The following DOCK2 variants were observed in gnomAD, a reference collection of about 807,000 sequenced individuals.
DOCK2 encodes the protein dedicator of cytokinesis protein 2.
DOCK2 carries 87 observed loss-of-function variants against 248.9 expected under a neutral mutation model. That is an observed-to-expected ratio of 0.35 (90% confidence interval 0.29 to 0.42). The LOEUF is 0.42. Among genes scored for constraint, DOCK2 ranks in the 10% least tolerant of loss-of-function variants. The pLI, the probability that DOCK2 is intolerant of heterozygous loss-of-function variation, is 1.00. For synonymous variants in DOCK2, 805 were observed against 821.6 expected (o/e 0.98, Z 0.35); for missense variants, 1,747 against 2,300.2 (o/e 0.76, Z 4.92).
intron 26 of DOCK2, among the ~76,000 whole-genome samples, chr5:169,838,562 G>A (rs1769736586): frequency 6.6e-6 from 1 of 152,186 alleles, no homozygotes. Flanking sequence ...AAAGGAGAAG[G>A]AAATCAGGAG....
At chr5:169,972,609 T>C (rs1331188096) in intron 27 of DOCK2, among the ~76,000 whole-genome samples, 1 of 141,766 alleles carries the variant, frequency 7.1e-6, no homozygotes, top group Non-Finnish European at 1.6e-5. Flanking sequence ...GATAGATAGA[T>C]AGATAGATAG....
chr5:169,933,621 C>T (rs558197377), intron 27 of DOCK2, among the ~76,000 whole-genome samples: 6 of 152,296 alleles, frequency 3.9e-5, no homozygotes, highest in African/African-American at 1.4e-4. Context: ...TTCCTTCGTT[C>T]GGCCTCCTTC....
At chr5:169,956,051 A>G (rs79712839) in intron 27 of DOCK2, among the ~76,000 whole-genome samples, 1 of 152,134 alleles carries the variant, frequency 6.6e-6, no homozygotes, top group East Asian at 1.9e-4. Context: ...AAAAAAAAAA[A>G]AAGAGCCCAG....
At chr5:169,938,558 A>G (rs1389174641) in intron 27 of DOCK2, among the ~76,000 whole-genome samples, 1 of 152,242 alleles carries the variant, frequency 6.6e-6, no homozygotes, top group Non-Finnish European at 1.5e-5. Flanking sequence ...ATGAAATAAA[A>G]AATGGTCCAC....
At chr5:169,895,255 C>T (rs988370981) in intron 27 of DOCK2, among the ~76,000 whole-genome samples, 1 of 152,138 alleles carries the variant, frequency 6.6e-6, no homozygotes, top group Non-Finnish European at 1.5e-5. Context: ...TAAATGTCCC[C>T]CTTCCTTCTT....
chr5:169,905,087 C>T (rs973199193), intron 27 of DOCK2, among the ~76,000 whole-genome samples: 1 of 152,182 alleles, frequency 6.6e-6, no homozygotes, highest in Non-Finnish European at 1.5e-5. Flanking sequence ...GTGCAGAGTG[C>T]TCAGTAAATA....
Position 169,670,570 on chromosome 5 carries a change from T to C in DOCK2, c.197T>C (p.Ile66Thr), listed in dbSNP as rs893044391. The C allele has an allele frequency of 6.2e-7, 1 of 1,614,010 alleles. No homozygotes were observed. The highest frequency in any genetic ancestry group is 8.5e-7 in the Non-Finnish European group (1 of 1,179,982). ...ATTTTTCCTAAGTCATTTATCCACA[T>C]CAAGGAAGTGACAGTTGAGAAAAGA... ...QGIFPKSFIH[I>T]KEVTVEKRRN... The change falls in exon 4 of 52, where the codon ATC becomes ACC. Residue 66 changes from isoleucine to threonine, a missense_variant. Physicochemically the swap from Ile to Thr is moderately conservative, Grantham distance 89. Coordinates refer to ENST00000520908, the MANE Select transcript of DOCK2 (RefSeq NM_004946.3).
At chr5:169,838,868 G>A (rs1486990793) in intron 26 of DOCK2, among the ~76,000 whole-genome samples, 3 of 152,160 alleles carry the variant, frequency 2.0e-5, no homozygotes, top group African/African-American at 4.8e-5. Flanking sequence ...ATTCATCTCC[G>A]GATGCCAAAA....
chr5:169,804,354 G>A (rs917885908), intron 26 of DOCK2, among the ~76,000 whole-genome samples: 8 of 152,010 alleles, frequency 5.3e-5, no homozygotes, highest in Non-Finnish European at 1.2e-4. Context: ...CCCGGTGTGC[G>A]CTAGGCACTG....
At chr5:170,074,238 C>G (rs568905441) in intron 46 of DOCK2, among the ~76,000 whole-genome samples, 19 of 152,252 alleles carry the variant, frequency 1.2e-4, no homozygotes, top group South Asian at 2.1e-4. Flanking sequence ...CTTAGGCTCT[C>G]TTTATTCTAT....
At chr5:169,761,679 T>C (rs1764497267) in intron 25 of DOCK2, 54 bp downstream of exon 25, 1 of 1,487,742 alleles carries the variant, frequency 6.7e-7, no homozygotes, top group South Asian at 1.2e-5. Context: ...AAACCCCACA[T>C]CATTTTGGGG....
chr5:169,826,307 T>G (rs1000174207), intron 26 of DOCK2, among the ~76,000 whole-genome samples: 1 of 152,110 alleles, frequency 6.6e-6, no homozygotes, highest in Non-Finnish European at 1.5e-5. Context: ...CCAAAGATGA[T>G]GACTGGGCTC....
intron 22 of DOCK2, among the ~76,000 whole-genome samples, chr5:169,736,897 A>G (rs560836289): frequency 1.8e-4 from 28 of 152,338 alleles, no homozygotes; most frequent in South Asian, 1.7e-3. Flanking sequence ...TAGTAATCAC[A>G]TGTTTATCCA....
chr5:169,695,771 T>C, intron 9 of DOCK2, 32 bp from the exon 10 acceptor site: 1 of 1,612,536 alleles, frequency 6.2e-7, no homozygotes, highest in Non-Finnish European at 8.5e-7. Context: ...ATTCAGCACA[T>C]GATGGTCAAT....
At chr5:169,692,852 CTG>C (rs1242082228) in intron 9 of DOCK2, among the ~76,000 whole-genome samples, 1 of 152,192 alleles carries the variant, frequency 6.6e-6, no homozygotes, top group African/African-American at 2.4e-5. Context: ...GGTCTTCTCT[CTG>C]TGTTTGTCTG....
chr5:169,671,820 T>C (rs933656103), intron 5 of DOCK2, among the ~76,000 whole-genome samples: 4 of 152,198 alleles, frequency 2.6e-5, no homozygotes, highest in African/African-American at 9.6e-5. Context: ...ACAGGATTTG[T>C]AGACTTACCT....
chr5:169,702,608 G>C, intron 14 of DOCK2, 181 bp downstream of exon 14: 1 of 758,710 alleles, frequency 1.3e-6, no homozygotes, highest in East Asian at 3.4e-5. Flanking sequence ...ATAAGACCTT[G>C]TGATATTTCC....
At chr5:169,926,875 G>T (rs888562990) in intron 27 of DOCK2, among the ~76,000 whole-genome samples, 2 of 152,126 alleles carry the variant, frequency 1.3e-5, no homozygotes, top group South Asian at 2.1e-4. Flanking sequence ...CTAAAAAAAA[G>T]ACCAGTACAT....
intron 44 of DOCK2, among the ~76,000 whole-genome samples, chr5:170,058,878 C>T (rs1003127028): frequency 1.3e-5 from 2 of 152,182 alleles, no homozygotes; most frequent in East Asian, 1.9e-4. Context: ...CCTTCAGCCT[C>T]CTTTTTATAG....
Sources: gnomAD v4.1 joint callset for allele counts (sites outside exome capture counted in the v4.1 genomes callset) on GRCh38, gnomAD v4.1.1 for gene constraint, MANE v1.5 for transcripts, NCBI Gene and HGNC (gene_info 2026-07-23, HGNC 2026-07-21) for gene names.